APC: variants seen among roughly 807,000 people sequenced by gnomAD.
APC encodes APC regulator of Wnt signaling pathway, also known as adenomatous polyposis coli protein.
In APC, 72 loss-of-function variants were observed where a neutral mutation model predicts 247.0. The observed-to-expected ratio is 0.29, with a 90% CI of 0.24 to 0.35. APC has a LOEUF of 0.35. APC is among the 10% of genes least tolerant of loss of function. APC has a pLI of 1.00. For missense variants in APC, 3,400 were observed against 3,360.7 expected, an observed-to-expected ratio of 1.01 and a Z score of -0.29; for synonymous variants, 1,254 against 1,162.5, an observed-to-expected ratio of 1.08 and a Z score of -1.60.
chr5:112,730,716 C>T (rs952840996), intron 1 of APC, among the ~76,000 whole-genome samples: 1 of 152,096 alleles, frequency 6.6e-6, no homozygotes, highest in Non-Finnish European at 1.5e-5. Context: ...CCCAGCTGCC[C>T]CTTTATTATA....
rs587782678 is a variant in APC, at chr5:112,839,943, G to C, written c.4349G>C (p.Arg1450Pro). The C allele has an allele frequency of 6.2e-7, 1 of 1,613,952 alleles. No homozygotes were observed. The highest frequency in any genetic ancestry group is 2.2e-5 in the East Asian group (1 of 44,874). ...PPPPQTAQTK[R>P]EVPKNKAPTA... ...CCTCCTCAAACAGCTCAAACCAAGC[G>C]AGAAGTACCTAAAAATAAAGCACCT... Residue 1450 changes from arginine to proline, a missense_variant, in exon 16 of 16, where the codon CGA becomes CCA. Arg to Pro is a moderately radical substitution (Grantham distance 103, BLOSUM62 -2). Around this residue, in one of 9 missense-constraint regions of APC, gnomAD observed 1,788 missense variants for 1,649.5 expected, o/e 1.08. Transcript: ENST00000257430. The surrounding 1 kb of genome is among the most constrained non-coding windows in gnomAD (Gnocchi z 5.0).
At chr5:112,733,752 C>A (rs774990025), upstream of APC, among the ~76,000 whole-genome samples, 4 of 152,128 alleles carry the variant, frequency 2.6e-5, no homozygotes, top group Admixed American at 6.5e-5. Context: ...ACATTTAATA[C>A]GCCTAGGAAC....
rs774352590 is a variant in APC, at chr5:112,841,920, A to G, written c.6326A>G (p.Asn2109Ser). ...FDWKAIQEGA[N>S]SIVSSLHQAA... ...TGGAAAGCTATTCAGGAAGGTGCAA[A>G]TTCCATAGTAAGTAGTTTACATCAA... is the stretch of plus-strand genomic sequence containing the variant. The change falls in exon 16 of 16, where the codon AAT (asparagine) becomes AGT (serine). Residue 2109 changes from asparagine to serine, a missense_variant. Asn to Ser is a conservative substitution (Grantham distance 46). Coordinates refer to ENST00000257430, the MANE Select transcript of APC (RefSeq NM_000038.6). The surrounding 1 kb of genome is among the most constrained non-coding windows in gnomAD (Gnocchi z 4.6). The G allele has an allele frequency of 1.2e-6, 2 of 1,613,958 alleles. No individual in the cohort carries two copies. The highest frequency in any genetic ancestry group is 1.7e-6 in the Non-Finnish European group (2 of 1,179,944).
chr5:112,733,117 T>G (rs922744010), upstream of APC, among the ~76,000 whole-genome samples: 2 of 152,170 alleles, frequency 1.3e-5, no homozygotes, highest in African/African-American at 4.8e-5. Context: ...CTCAGTAGAG[T>G]AGCGAAGAGC....
intron 6 of APC, among the ~76,000 whole-genome samples, chr5:112,782,112 T>G (rs1302204332): frequency 2.0e-5 from 3 of 152,204 alleles, no homozygotes; most frequent in Non-Finnish European, 1.5e-5. Flanking sequence ...GACTTAACAG[T>G]TCTACGTGGC....
rs1163661746 is a variant in APC, at chr5:112,767,216, C to G, written c.248C>G (p.Pro83Arg). ...CTTAACTTAGATAGCAGTAATTTCC[C>G]TGGAGTAAAACTGCGGTCAAAAATG... ...KELNLDSSNF[P>R]GVKLRSKMSL... Residue 83 changes from proline to arginine, a missense_variant, in exon 4 of 16, where the codon CCT (proline) becomes CGT (arginine). Physicochemically the swap from Pro to Arg is moderately radical, Grantham distance 103. Around this residue, in one of 9 missense-constraint regions of APC, gnomAD observed 372 missense variants for 367.6 expected, o/e 1.01. Transcript: ENST00000257430. 1.2e-6 allele frequency: 2 copies of G among 1,614,006 alleles called. No individual in the cohort carries two copies. The highest frequency in any genetic ancestry group is 1.1e-5 in the South Asian group (1 of 91,074).
Position 112,835,572 on chromosome 5 carries a change from A to T in APC, c.1958+407A>T, listed in dbSNP as rs958606629. Among the ~76,000 whole-genome samples, 323 of 132,978 alleles carry T rather than the reference A, an allele frequency of 2.4e-3. 2 individuals carry two copies. Among genetic ancestry groups the T allele is most frequent in the African/African-American group, 8.5e-3 (305 of 36,044 alleles). The allele number at this position is 132,978 out of a possible 152,430, so 87.2% of individuals were successfully genotyped here. ...TGATGTCTTAGTATCCATAATAATA[A>T]TTTTTTTTTTTTTTTTTTGAGACAG... On this transcript the variant is annotated intron_variant, in intron 15 of 15. Transcript: ENST00000257430.
In APC at chr5:112,839,148, C is replaced by T. The variant is rs587780595; in HGVS notation, c.3554C>T (p.Thr1185Ile). 4 of 1,614,090 alleles carry T rather than the reference C, an allele frequency of 2.5e-6. No individual in the cohort carries two copies. The South Asian group carries it at 3.3e-5, about 13-fold the overall frequency. The change falls in exon 16 of 16, where the codon ACA becomes ATA. Residue 1185 changes from threonine to isoleucine, a missense_variant. By Grantham distance (89) the Thr-to-Ile change is moderately conservative (BLOSUM62 -1). Transcript: ENST00000257430. This position sits in a 1 kb window ranked among gnomAD's most constrained non-coding sequence, Gnocchi z 5.0. ...QPIDYSLKYA[T>I]DIPSSQKQSF... ...ATTGATTATAGTTTAAAATATGCCA[C>T]AGATATTCCTTCATCACAGAAACAG... is the stretch of plus-strand genomic sequence containing the variant.
chr5:112,843,228 G>A lies in APC; in HGVS notation c.7634G>A (p.Gly2545Glu), dbSNP rs1064795713. 6.2e-7 allele frequency: 1 copy of A among 1,613,874 alleles called. No individual in the cohort carries two copies. Among genetic ancestry groups the A allele is most frequent in the African/African-American group, 1.3e-5 (1 of 74,986 alleles). ...TCTAGACTTCCAATCAATAGGTCAG[G>A]AACCTGGAAACGTGAGCACAGCAAA... ...SPSRLPINRS[G>E]TWKREHSKHS... The change falls in exon 16 of 16, where the codon GGA becomes GAA. Residue 2545 changes from glycine (G) to glutamate (E), a missense_variant. Physicochemically the swap from Gly to Glu is moderately conservative, Grantham distance 98. Transcript: ENST00000257430. This position sits in a 1 kb window ranked among gnomAD's most constrained non-coding sequence, Gnocchi z 4.8.
rs35080996 is a variant in APC, at chr5:112,727,949, TA to T, written c.165+20078del. 2.1e-3 allele frequency among the ~76,000 whole-genome samples: 307 copies of T among 148,870 alleles called. 1 individual carries two copies. The highest frequency in any genetic ancestry group is 6.2e-3 in the African/African-American group (251 of 40,646). The stretch of plus-strand genomic sequence containing the variant: ...AAAACCTTGTTTTAAACATTTAACT[TA>T]AAAAAAAAAATCAGAATTTTATCCC... On this transcript the variant is annotated intron_variant, in intron 1 of 13. Transcript: ENST00000507379.
chr5:112,813,449 A>G (rs907320625), intron 8 of APC, among the ~76,000 whole-genome samples: 2 of 152,178 alleles, frequency 1.3e-5, no homozygotes, highest in Admixed American at 6.5e-5. Context: ...AAATTTGAAC[A>G]AGGAATTTAT....
In APC at chr5:112,801,524, A is replaced by T. The variant is rs1018137758; in HGVS notation, c.834+141A>T. The T allele has an allele frequency of 1.0e-5, 6 of 595,188 alleles. No homozygotes were observed. In the African/African-American group the frequency reaches 1.1e-4, roughly 11 times the overall value. 36.9% of individuals were successfully genotyped at this position (595,188 alleles called of 1,614,324 possible). A position where few individuals can be genotyped will look rare whatever the true frequency, so the allele number is the denominator to read the frequency against. ...ATATTTCCAGAAGCATTCAGTACCA[A>T]TGTGCTGTCATTTCTCTTTATTATA... is the stretch of plus-strand genomic sequence containing the variant. On this transcript the variant is annotated intron_variant, in intron 8 of 15. Transcript: ENST00000257430.
chr5:112,828,533 A>G (rs1580572179), intron 13 of APC, among the ~76,000 whole-genome samples: 2 of 151,294 alleles, frequency 1.3e-5, no homozygotes, highest in African/African-American at 4.9e-5. Flanking sequence ...GCTCACAGTA[A>G]CCTCAAGCTC....
chr5:112,749,710 C>G (rs997605782), intron 1 of APC, among the ~76,000 whole-genome samples: 1 of 151,576 alleles, frequency 6.6e-6, no homozygotes, highest in African/African-American at 2.4e-5. Flanking sequence ...TGGTCTCGAT[C>G]TCCTGACCTC....
At chr5:112,721,531 G>A (rs1423721967) in intron 1 of APC, among the ~76,000 whole-genome samples, 1 of 152,234 alleles carries the variant, frequency 6.6e-6, no homozygotes, top group Non-Finnish European at 1.5e-5. Flanking sequence ...GATCATGGAA[G>A]TTGGTATTTG....
intron 1 of APC, among the ~76,000 whole-genome samples, chr5:112,740,189 T>C (rs1486021936): frequency 6.6e-6 from 1 of 152,210 alleles, no homozygotes; most frequent in Non-Finnish European, 1.5e-5. Context: ...ACCTGGTGAC[T>C]AAGCAAATGG....
intron 10 of APC, among the ~76,000 whole-genome samples, chr5:112,820,979 A>T (rs573469019): frequency 3.2e-4 from 48 of 151,054 alleles, no homozygotes; most frequent in African/African-American, 1.1e-3. Context: ...CTCCTACCTC[A>T]GCCTCCTGAG....
intron 8 of APC, among the ~76,000 whole-genome samples, chr5:112,812,853 T>C (rs191231739): frequency 3.2e-4 from 48 of 152,350 alleles, no homozygotes; most frequent in Middle Eastern, 3.4e-3. Context: ...CATGTGGATT[T>C]AAAGACCATT....
intron 4 of APC, among the ~76,000 whole-genome samples, chr5:112,772,060 G>A (rs977147548): frequency 2.0e-5 from 3 of 152,160 alleles, no homozygotes; most frequent in Non-Finnish European, 4.4e-5. Flanking sequence ...AGGAATTGTT[G>A]CTGTCATGTT....
Sources: allele counts gnomAD v4.1 joint callset (sites outside exome capture counted in the v4.1 genomes callset), GRCh38; gene constraint gnomAD v4.1.1; regional missense constraint gnomAD v4.1.1; non-coding constraint Gnocchi (gnomAD v3.1); transcripts MANE v1.5; gene names NCBI Gene and HGNC (gene_info 2026-07-23, HGNC 2026-07-21).